Variants in FOXP1 observed in about 807,000 individuals in gnomAD.
The protein encoded by FOXP1 is forkhead box protein P1.
FOXP1 carries 15 observed loss-of-function variants against 98.2 expected under a neutral mutation model. The observed-to-expected ratio is 0.15, with a 90% CI of 0.10 to 0.24. The LOEUF (loss-of-function observed/expected upper bound fraction) is 0.24. FOXP1 is among the 10% of genes least tolerant of loss of function. The pLI is 1.00. For synonymous variants in FOXP1, 371 were observed against 314.5 expected (o/e 1.18, Z -1.90); for missense variants, 633 against 848.5 (o/e 0.75, Z 3.15).
chr3:70,966,105 A>C (rs2034710496), intron 19 of FOXP1, 49 bp from the exon 20 acceptor site: 2 of 1,486,700 alleles, frequency 1.3e-6, no homozygotes, highest in Non-Finnish European at 9.4e-7. Flanking sequence ...TATGTAAGAC[A>C]AGGAAACTAC....
At chr3:71,036,296 A>T (rs148677423) in intron 11 of FOXP1, among the ~76,000 whole-genome samples, 88 of 152,320 alleles carry the variant, frequency 5.8e-4, no homozygotes, top group African/African-American at 2.1e-3. Flanking sequence ...GACTGAAGAG[A>T]GCATAGGTTA....
intron 5 of FOXP1, among the ~76,000 whole-genome samples, chr3:71,278,505 G>A (rs1316891496): frequency 1.3e-5 from 2 of 152,118 alleles, no homozygotes; most frequent in Non-Finnish European, 2.9e-5. Context: ...ATTTCTGACC[G>A]GGCACGGTGG....
intron 4 of FOXP1, among the ~76,000 whole-genome samples, chr3:71,348,553 G>GCGCA (rs1553853272): frequency 7.7e-6 from 1 of 130,638 alleles, no homozygotes. Flanking sequence ...GTGTGTGCGT[G>GCGCA]CGCGCGCGCA....
Position 70,976,998 on chromosome 3 carries a change from G to A in FOXP1, c.1473C>T (p.Ile491=), listed in dbSNP as rs763824704. ...CAAACATTCGTGTGAACCAGTTATA[G>A]ATCTCATTTAGTGTTAGCTGCTTTT... ...SPEKQLTLNE[I]YNWFTRMFAY... is the part of the protein sequence containing the mutation. The change falls in exon 17 of 21, where the codon ATC becomes ATT. Residue 491 remains isoleucine (I), a synonymous_variant. Coordinates refer to ENST00000649528, the MANE Select transcript of FOXP1 (RefSeq NM_001349338.3). 21 of 1,614,044 alleles carry A rather than the reference G, an allele frequency of 1.3e-5. No individual in the cohort carries two copies. The Admixed American group carries it at 2.5e-4, about 19-fold the overall frequency.
At position 70,997,426 on chromosome 3, in the gene FOXP1, TG is replaced by T. The variant is rs563711613; in HGVS notation, c.1062+3545del. On this transcript the variant is annotated intron_variant, in intron 13 of 20. Transcript: ENST00000649528. ...AATAGATTCGAGTATAACTGTACTGTGTCCCAAATGCCCCCATATGTGGTAG... is the reference window on the plus strand; with the variant it reads ...AATAGATTCGAGTATAACTGTACTGTTCCCAAATGCCCCCATATGTGGTAG... Among the ~76,000 whole-genome samples the T allele has an allele frequency of 2.0e-5, 3 of 152,334 alleles. No individual in the cohort carries two copies. The South Asian group carries it at 6.2e-4, about 32-fold the overall frequency.
intron 7 of FOXP1, among the ~76,000 whole-genome samples, chr3:71,092,775 T>C (rs919454827): frequency 3.4e-5 from 5 of 148,342 alleles, no homozygotes; most frequent in Admixed American, 6.7e-5. Context: ...ACAGAGAAAA[T>C]GGAGGCAGTA....
At chr3:71,580,806 G>C in intron 2 of FOXP1, 3 of 985,400 alleles carry the variant, frequency 3.0e-6, no homozygotes, top group Non-Finnish European at 3.6e-6. Flanking sequence ...AAACCCTTAA[G>C]TCTACGTACA....
At chr3:71,126,529 A>G (rs1297336255) in intron 6 of FOXP1, among the ~76,000 whole-genome samples, 1 of 151,820 alleles carries the variant, frequency 6.6e-6, no homozygotes, top group Non-Finnish European at 1.5e-5. Context: ...AGAAAAGAAA[A>G]GAAATTTTCT....
At chr3:70,959,940 C>T (rs894679354) in intron 20 of FOXP1, among the ~76,000 whole-genome samples, 1 of 152,122 alleles carries the variant, frequency 6.6e-6, no homozygotes, top group African/African-American at 2.4e-5. Flanking sequence ...GGATGAATAC[C>T]CATCTTCAAA....
chr3:71,567,830 G>A (rs947173916), intron 2 of FOXP1: 1 of 151,984 alleles, frequency 6.6e-6, no homozygotes, highest in African/African-American at 2.4e-5. Context: ...CAGGTTGTAG[G>A]CCCTGCAGGC....
At chr3:71,423,626 C>G (rs572342734) in intron 3 of FOXP1, among the ~76,000 whole-genome samples, 1 of 152,318 alleles carries the variant, frequency 6.6e-6, no homozygotes, top group South Asian at 2.1e-4. Context: ...GGCCATAGAA[C>G]CAGAATTAGA....
intron 4 of FOXP1, among the ~76,000 whole-genome samples, chr3:71,306,832 T>C (rs1302987517): frequency 6.6e-6 from 1 of 152,250 alleles, no homozygotes; most frequent in South Asian, 2.1e-4. Flanking sequence ...CAACCACTTA[T>C]AATTTCAATT....
chr3:70,964,860 G>A (rs895799179), intron 20 of FOXP1, among the ~76,000 whole-genome samples: 3 of 152,110 alleles, frequency 2.0e-5, no homozygotes, highest in Non-Finnish European at 4.4e-5. Flanking sequence ...AAATTATGCT[G>A]GCAGATAACA....
At chr3:70,986,855 T>C (rs1365925822) in intron 14 of FOXP1, among the ~76,000 whole-genome samples, 1 of 152,228 alleles carries the variant, frequency 6.6e-6, no homozygotes, top group Admixed American at 6.5e-5. Flanking sequence ...GTTTCAGACA[T>C]TAATTTTGCC....
chr3:71,580,058 T>C (rs2048037543), intron 2 of FOXP1, among the ~76,000 whole-genome samples: 1 of 151,968 alleles, frequency 6.6e-6, no homozygotes, highest in Admixed American at 6.6e-5. Context: ...AGTCCAGGGT[T>C]CTCCGTGTAG....
chr3:71,363,358 G>A (rs1328001199), intron 3 of FOXP1, among the ~76,000 whole-genome samples: 1 of 152,136 alleles, frequency 6.6e-6, no homozygotes, highest in African/African-American at 2.4e-5. Context: ...TTGAGTACAC[G>A]TAGATCACTT....
At position 71,520,458 on chromosome 3, in the gene FOXP1, A is replaced by C. The variant is rs1232242022; in HGVS notation, c.-297-26903T>G. Among the ~76,000 whole-genome samples, 4 of 152,212 alleles carry C rather than the reference A, an allele frequency of 2.6e-5. No individual in the cohort carries two copies. The East Asian group carries it at 7.7e-4, about 29-fold the overall frequency. On this transcript the variant is annotated intron_variant, in intron 2 of 20. Transcript: ENST00000649528. ...CCTTGCAGAATTATATCAGATGAGA[A>C]CCACTTGGCGGCTCATTAGAAATAG... is the stretch of plus-strand genomic sequence containing the variant.
intron 17 of FOXP1, among the ~76,000 whole-genome samples, chr3:70,975,932 G>A (rs2037401329): frequency 6.6e-6 from 1 of 152,130 alleles, no homozygotes. Context: ...ACTACTGGGG[G>A]CATCCAATAA....
At chr3:71,143,464 C>G (rs186290881) in intron 6 of FOXP1, among the ~76,000 whole-genome samples, 112 of 152,286 alleles carry the variant, frequency 7.4e-4, no homozygotes, top group Middle Eastern at 6.8e-3. Flanking sequence ...AGCCAGAGGC[C>G]TGCATTTGAA....
Sources: allele counts gnomAD v4.1 joint callset (sites outside exome capture counted in the v4.1 genomes callset), GRCh38; gene constraint gnomAD v4.1.1; transcripts MANE v1.5; gene names NCBI Gene and HGNC (gene_info 2026-07-23, HGNC 2026-07-21).